SYN3: variants seen among roughly 807,000 people sequenced by gnomAD.
SYN3 encodes the protein synapsin-3.
A neutral mutation model predicts 65.8 loss-of-function variants in SYN3; 35 were observed. The observed-to-expected ratio is 0.53, with a 90% CI of 0.41 to 0.70. The LOEUF (loss-of-function observed/expected upper bound fraction) is 0.70. Among genes scored for constraint, SYN3 ranks in the 30% least tolerant of loss-of-function variants. The pLI is 0.00. For missense variants in SYN3, 680 were observed against 749.0 expected (o/e 0.91, Z 1.08); for synonymous variants, 270 against 292.9 (o/e 0.92, Z 0.80).
chr22:33,042,702 G>A (rs923600692), intron 1 of SYN3, among the ~76,000 whole-genome samples: 26 of 152,282 alleles, frequency 1.7e-4, no homozygotes, highest in African/African-American at 5.8e-4. Context: ...AGGAGTGGAA[G>A]GAGAAATCCG....
intron 6 of SYN3, among the ~76,000 whole-genome samples, chr22:32,640,248 T>C (rs1429133556): frequency 6.6e-6 from 1 of 152,138 alleles, no homozygotes; most frequent in East Asian, 1.9e-4. Context: ...ACCTCTATTG[T>C]AGCATTTATC....
chr22:32,665,304 A>T (rs2060275282), intron 6 of SYN3, among the ~76,000 whole-genome samples: 1 of 151,988 alleles, frequency 6.6e-6, no homozygotes, highest in South Asian at 2.1e-4. Flanking sequence ...GGCCCATTGT[A>T]TCCTCCTTAT....
chr22:32,788,337 C>T (rs9609633), intron 6 of SYN3, among the ~76,000 whole-genome samples: 53,184 of 151,806 alleles, frequency 0.35, 9,645 homozygotes, highest in East Asian at 0.51. Context: ...GTCAGGAGTT[C>T]GAGACCAGAC....
At chr22:32,740,516 AT>A (rs2061390926) in intron 6 of SYN3, among the ~76,000 whole-genome samples, 1 of 152,186 alleles carries the variant, frequency 6.6e-6, no homozygotes, top group Non-Finnish European at 1.5e-5. Context: ...CATATGCAAA[AT>A]AGCAGAGTTG....
intron 3 of SYN3, among the ~76,000 whole-genome samples, chr22:32,941,877 G>A (rs2050950500): frequency 6.6e-6 from 1 of 152,228 alleles, no homozygotes; most frequent in South Asian, 2.1e-4. Flanking sequence ...AGATCTAACT[G>A]CAAGGCAGCA....
chr22:32,922,925 T>G (rs1332426353), intron 4 of SYN3, among the ~76,000 whole-genome samples: 2 of 152,124 alleles, frequency 1.3e-5, no homozygotes, highest in Non-Finnish European at 2.9e-5. Context: ...TTCTCTGCCA[T>G]CCATCCTGGT....
intron 7 of SYN3, among the ~76,000 whole-genome samples, chr22:32,574,186 A>G (rs2058819871): frequency 1.3e-5 from 2 of 151,868 alleles, no homozygotes; most frequent in Non-Finnish European, 1.5e-5. Context: ...CAGGAAATAA[A>G]ACCACCATCG....
At chr22:32,530,012 C>A (rs1009363198) in intron 10 of SYN3, 2 of 152,252 alleles carry the variant, frequency 1.3e-5, no homozygotes, top group African/African-American at 2.4e-5. Flanking sequence ...CAAGCTCTGA[C>A]GAGCCACCTG....
intron 4 of SYN3, among the ~76,000 whole-genome samples, chr22:32,918,904 C>A (rs1214423120): frequency 5.3e-5 from 8 of 152,168 alleles, no homozygotes; most frequent in Non-Finnish European, 7.3e-5. Context: ...AAGGCAGAGC[C>A]GGGATCCAGC....
intron 6 of SYN3, among the ~76,000 whole-genome samples, chr22:32,739,308 CT>C (rs2061374157): frequency 6.6e-6 from 1 of 152,034 alleles, no homozygotes; most frequent in Non-Finnish European, 1.5e-5. Context: ...TAAGATGTGC[CT>C]TTTGCCTTCC....
At chr22:32,611,273 GTTTTTTTTTTGTTTTTTTT>G (rs1220571771) in intron 6 of SYN3, among the ~76,000 whole-genome samples, 9 of 117,370 alleles carry the variant, frequency 7.7e-5, no homozygotes, top group African/African-American at 2.9e-4. Context: ...TTCAGCTAGA[GTTTTTTTTTTGTTTTTTTT>G]TTTTTTTTTT....
intron 6 of SYN3, among the ~76,000 whole-genome samples, chr22:32,689,394 G>T (rs1245277217): frequency 1.3e-5 from 2 of 152,178 alleles, no homozygotes; most frequent in Non-Finnish European, 2.9e-5. Context: ...GTAAAACAGG[G>T]ACTCCCGTGT....
intron 6 of SYN3, among the ~76,000 whole-genome samples, chr22:32,611,362 C>T (rs1030222165): frequency 1.4e-5 from 2 of 144,362 alleles, no homozygotes; most frequent in East Asian, 2.1e-4. Context: ...GGCACCATCT[C>T]GGCTCACTGC....
Position 32,990,343 on chromosome 22 carries a change from T to C in SYN3, c.312-9641A>G, listed in dbSNP as rs567490246. Reference sequence around the variant, plus strand: ...ATCCATCCATCCATCCATCCATCCATCCACCCATCCATCCACATATTCATC... The same window carrying C: ...ATCCATCCATCCATCCATCCATCCACCCACCCATCCATCCACATATTCATC... On this transcript the variant is annotated intron_variant, in intron 2 of 13. Coordinates refer to ENST00000358763, the MANE Select transcript of SYN3 (RefSeq NM_003490.4). Among the ~76,000 whole-genome samples the C allele has an allele frequency of 1.3e-4, 20 of 148,952 alleles. No homozygotes were observed. The South Asian group carries it at 3.8e-3, about 29-fold the overall frequency.
intron 6 of SYN3, among the ~76,000 whole-genome samples, chr22:32,854,755 C>T (rs2048317695): frequency 6.6e-6 from 1 of 152,180 alleles, no homozygotes; most frequent in African/African-American, 2.4e-5. Context: ...GCACTTCTTC[C>T]AGCACTTGGC....
At chr22:32,655,469 G>T (rs1169683567) in intron 6 of SYN3, among the ~76,000 whole-genome samples, 2 of 152,170 alleles carry the variant, frequency 1.3e-5, no homozygotes, top group Non-Finnish European at 2.9e-5. Flanking sequence ...ACAGCAGGAG[G>T]TGAGCAGCAG....
chr22:32,545,534 G>A (rs773716171), intron 7 of SYN3, among the ~76,000 whole-genome samples: 3 of 152,272 alleles, frequency 2.0e-5, no homozygotes, highest in Non-Finnish European at 2.9e-5. Context: ...CACCAACAGT[G>A]AGCATGGAAC....
At chr22:32,807,310 AT>A (rs1478005349) in intron 6 of SYN3, among the ~76,000 whole-genome samples, 3 of 123,138 alleles carry the variant, frequency 2.4e-5, no homozygotes, top group African/African-American at 9.3e-5. Flanking sequence ...ATATATAAAT[AT>A]ATAATATATA....
intron 7 of SYN3, among the ~76,000 whole-genome samples, chr22:32,542,046 G>A (rs1384510326): frequency 6.6e-5 from 10 of 152,198 alleles, no homozygotes; most frequent in Admixed American, 6.5e-4. Flanking sequence ...GGGGGAAAGG[G>A]CAGGTGGCAC....
Sources: gnomAD v4.1 joint callset for allele counts (sites outside exome capture counted in the v4.1 genomes callset) on GRCh38, gnomAD v4.1.1 for gene constraint, MANE v1.5 for transcripts, NCBI Gene and HGNC (gene_info 2026-07-23, HGNC 2026-07-21) for gene names.